The following CNTNAP2 variants were observed in gnomAD, a reference collection of about 807,000 sequenced individuals.
CNTNAP2 encodes contactin associated protein 2, also known as contactin-associated protein-like 2.
CNTNAP2 carries 98 observed loss-of-function variants against 155.2 expected under a neutral mutation model. That is an observed-to-expected ratio of 0.63 (90% CI 0.54 to 0.75). CNTNAP2 has a LOEUF of 0.75. Ranked by LOEUF, CNTNAP2 falls within the 30% of genes least tolerant of loss-of-function variation. The probability of loss-of-function intolerance (pLI) is 0.00; values close to 1 mark genes in which losing one functional copy is unlikely to be tolerated. For synonymous variants in CNTNAP2, 651 were observed against 631.2 expected, an observed-to-expected ratio of 1.03 and a Z score of -0.47; for missense variants, 1,727 against 1,688.1, an observed-to-expected ratio of 1.02 and a Z score of -0.40.
chr7:148,052,443 G>T (rs1283920335), intron 15 of CNTNAP2, among the ~76,000 whole-genome samples: 1 of 150,486 alleles, frequency 6.6e-6, no homozygotes, highest in Non-Finnish European at 1.5e-5. Flanking sequence ...ACTGAAACAA[G>T]AATATAATAT....
chr7:148,006,711 C>CT (rs370932828), intron 15 of CNTNAP2, among the ~76,000 whole-genome samples: 1,487 of 143,194 alleles, frequency 0.01, 21 homozygotes, highest in African/African-American at 0.036. Flanking sequence ...TAATAATTTT[C>CT]TTTTTTTTTT....
chr7:146,873,788 A>T (rs564410577), intron 3 of CNTNAP2, among the ~76,000 whole-genome samples: 1 of 152,174 alleles, frequency 6.6e-6, no homozygotes, highest in Non-Finnish European at 1.5e-5. Flanking sequence ...TGTTTACTAC[A>T]TTCAGAGAGC....
chr7:146,377,272 A>G (rs1412661579), intron 1 of CNTNAP2, among the ~76,000 whole-genome samples: 1 of 152,108 alleles, frequency 6.6e-6, no homozygotes, highest in Non-Finnish European at 1.5e-5. Flanking sequence ...ATTTTCGCCT[A>G]TAAAAGTTTT....
chr7:148,305,030 C>G (rs573084540), intron 21 of CNTNAP2, among the ~76,000 whole-genome samples: 1 of 136,088 alleles, frequency 7.3e-6, no homozygotes, highest in African/African-American at 2.7e-5. Flanking sequence ...ACCTGGGCAA[C>G]ATAGTGTGAG....
At chr7:147,879,553 T>A (rs543948971) in intron 13 of CNTNAP2, among the ~76,000 whole-genome samples, 1 of 152,192 alleles carries the variant, frequency 6.6e-6, no homozygotes, top group Non-Finnish European at 1.5e-5. Context: ...AGCAATCTAG[T>A]TGTGCAATAA....
chr7:146,551,412 G>A (rs962994371), intron 1 of CNTNAP2, among the ~76,000 whole-genome samples: 8 of 151,894 alleles, frequency 5.3e-5, no homozygotes, highest in Admixed American at 2.6e-4. Context: ...CCTTGCGATA[G>A]TTTGCTGAGA....
intron 1 of CNTNAP2, among the ~76,000 whole-genome samples, chr7:146,242,742 C>A (rs1332507382): frequency 6.6e-6 from 1 of 151,868 alleles, no homozygotes; most frequent in African/African-American, 2.4e-5. Flanking sequence ...GTGTATTAGC[C>A]CATCCTAAAA....
At position 147,255,010 on chromosome 7, in the gene CNTNAP2, T is replaced by G. The variant is rs141990285; in HGVS notation, c.1349-45131T>G. ...TGCAATCATGTATTGGCAGCACATG[T>G]GAACAACTTAGATATAAAATTATGA... On this transcript the variant is annotated intron_variant, in intron 8 of 23. Coordinates refer to ENST00000361727, the MANE Select transcript of CNTNAP2 (RefSeq NM_014141.6). 5.4e-4 allele frequency among the ~76,000 whole-genome samples: 82 copies of G among 152,244 alleles called. 1 individual carries two copies. The highest frequency in any genetic ancestry group is 1.9e-3 in the African/African-American group (79 of 41,556).
intron 1 of CNTNAP2, among the ~76,000 whole-genome samples, chr7:146,745,587 T>C (rs1425630003): frequency 6.6e-6 from 1 of 151,974 alleles, no homozygotes; most frequent in Non-Finnish European, 1.5e-5. Context: ...GCCAACATGA[T>C]GAAACCCCGT....
chr7:146,349,024 G>A (rs563889582), intron 1 of CNTNAP2, among the ~76,000 whole-genome samples: 25 of 152,216 alleles, frequency 1.6e-4, no homozygotes, highest in African/African-American at 5.8e-4. Flanking sequence ...CTTAAAATCA[G>A]AATGTGTGAC....
intron 13 of CNTNAP2, among the ~76,000 whole-genome samples, chr7:147,863,334 G>A (rs977968042): frequency 2.6e-5 from 4 of 152,134 alleles, no homozygotes; most frequent in Non-Finnish European, 5.9e-5. Context: ...TATCATTGAT[G>A]GACATTTGGG....
chr7:146,598,584 A>G (rs572594823), intron 1 of CNTNAP2, among the ~76,000 whole-genome samples: 1 of 152,202 alleles, frequency 6.6e-6, no homozygotes, highest in South Asian at 2.1e-4. Context: ...GACCTATCAG[A>G]AACATTTAAC....
At chr7:148,161,909 T>G (rs999793439) in intron 17 of CNTNAP2, among the ~76,000 whole-genome samples, 7 of 152,164 alleles carry the variant, frequency 4.6e-5, no homozygotes, top group Admixed American at 2.0e-4. Context: ...TCTCTTCTTT[T>G]TCCTCCACCC....
chr7:148,269,401 T>C (rs2116843805), intron 21 of CNTNAP2, among the ~76,000 whole-genome samples: 1 of 152,356 alleles, frequency 6.6e-6, no homozygotes, highest in South Asian at 2.1e-4. Context: ...ATAGTTGATG[T>C]ATTTTTACAG....
intron 16 of CNTNAP2, among the ~76,000 whole-genome samples, 194 bp downstream of exon 16, chr7:148,118,482 A>G (rs1485327111): frequency 1.3e-5 from 2 of 152,122 alleles, no homozygotes; most frequent in African/African-American, 4.8e-5. Flanking sequence ...GCTCTCAGGG[A>G]AGCAGGCACA....
At chr7:148,103,908 T>C (rs76374374) in intron 15 of CNTNAP2, among the ~76,000 whole-genome samples, 1,653 of 152,336 alleles carry the variant, frequency 0.011, 36 homozygotes, top group African/African-American at 0.038. Flanking sequence ...CACCCCTGCC[T>C]ACAAAGAAGT....
intron 13 of CNTNAP2, among the ~76,000 whole-genome samples, chr7:147,771,593 T>C (rs570294868): frequency 1.3e-5 from 2 of 152,320 alleles, no homozygotes; most frequent in Admixed American, 6.5e-5. Context: ...AGGGGCATTG[T>C]ACATAGTTGA....
At chr7:148,393,590 C>T (rs895007904) in intron 22 of CNTNAP2, among the ~76,000 whole-genome samples, 1 of 152,160 alleles carries the variant, frequency 6.6e-6, no homozygotes, top group African/African-American at 2.4e-5. Flanking sequence ...TAGAAAATCA[C>T]ATTGTATCCA....
chr7:146,994,965 A>G (rs536362135), intron 3 of CNTNAP2, among the ~76,000 whole-genome samples: 1 of 152,132 alleles, frequency 6.6e-6, no homozygotes, highest in African/African-American at 2.4e-5. Context: ...ATTATGTTTC[A>G]TTTGAGAACA....
Sources: gnomAD v4.1 joint callset for allele counts (sites outside exome capture counted in the v4.1 genomes callset) on GRCh38, gnomAD v4.1.1 for gene constraint, MANE v1.5 for transcripts, NCBI Gene and HGNC (gene_info 2026-07-23, HGNC 2026-07-21) for gene names.